Variants in USP36 observed in about 807,000 individuals in gnomAD.
USP36 encodes the protein ubiquitin carboxyl-terminal hydrolase 36.
A neutral mutation model predicts 111.5 loss-of-function variants in USP36; 59 were observed. The ratio of observed to expected loss-of-function variants is 0.53; its 90% CI spans 0.43 to 0.66. The LOEUF is 0.66. USP36 is among the 30% of genes least tolerant of loss of function. The pLI, the probability that USP36 is intolerant of heterozygous loss-of-function variation, is 0.00. For missense variants in USP36, 1,488 were observed against 1,468.0 expected, an observed-to-expected ratio of 1.01 and a Z score of -0.22; for synonymous variants, 628 against 581.0, an observed-to-expected ratio of 1.08 and a Z score of -1.16.
At chr17:78,788,275 C>T (rs1023243253) in intron 3 of USP36, among the ~76,000 whole-genome samples, 2 of 152,050 alleles carry the variant, frequency 1.3e-5, no homozygotes, top group Admixed American at 1.3e-4. Context: ...AGCAATTCTC[C>T]TGCCTCAGCC....
chr17:78,794,019 C>G (rs112711505), downstream of USP36, among the ~76,000 whole-genome samples: 2 of 152,178 alleles, frequency 1.3e-5, no homozygotes, highest in Admixed American at 1.3e-4. Context: ...ACTTGGCCTC[C>G]GAACCCAACT....
intron 6 of USP36, chr17:78,823,125 C>T (rs2094370725): frequency 2.5e-6 from 1 of 398,700 alleles, no homozygotes; most frequent in African/African-American, 2.1e-5. Flanking sequence ...TGGCACTTCC[C>T]AGACTCCGGG....
At position 78,807,420 on chromosome 17, in the gene USP36, G is replaced by C; in HGVS notation, c.1624C>G (p.Pro542Ala). The change falls in exon 14 of 21, where the codon CCA becomes GCA. Residue 542 changes from proline to alanine, a missense_variant. Pro to Ala is a conservative substitution (Grantham distance 27). Coordinates refer to ENST00000449938, the MANE Select transcript of USP36 (RefSeq NM_001385174.1). ...GCAGTTCTGGGGGAAAAGTGCTGTGGAGGAGCTGGCTTCTTCACCTTCTTT... is the reference window on the plus strand; with the variant it reads ...GCAGTTCTGGGGGAAAAGTGCTGTGCAGGAGCTGGCTTCTTCACCTTCTTT... The part of the protein sequence containing the change: ...PGKKVKKPAP[P>A]QHFSPRTAQG... 6.2e-7 allele frequency: 1 copy of C among 1,614,182 alleles called. No homozygotes were observed. The highest frequency in any genetic ancestry group is 8.5e-7 in the Non-Finnish European group (1 of 1,180,024).
At chr17:78,800,327 G>A (rs762617658) in intron 17 of USP36, among the ~76,000 whole-genome samples, 4 of 152,152 alleles carry the variant, frequency 2.6e-5, no homozygotes, top group Non-Finnish European at 5.9e-5. Flanking sequence ...CTGCCATCAG[G>A]GGCCCGACCT....
chr17:78,835,077 C>T (rs759531943), intron 4 of USP36, among the ~76,000 whole-genome samples: 4 of 151,366 alleles, frequency 2.6e-5, no homozygotes, highest in African/African-American at 7.3e-5. Context: ...AAAAGCTTGG[C>T]GAACACAGCC....
chr17:78,823,810 C>A (rs2094387882), intron 6 of USP36, among the ~76,000 whole-genome samples: 1 of 152,202 alleles, frequency 6.6e-6, no homozygotes, highest in Non-Finnish European at 1.5e-5. Flanking sequence ...GACCCTTCTG[C>A]TGCCAGAGGA....
chr17:78,821,407 TA>T (rs58756152), intron 7 of USP36: 14 of 62,232 alleles, frequency 2.2e-4, no homozygotes, highest in African/African-American at 1.0e-3. Flanking sequence ...TATATATATA[TA>T]TATATATATA....
intron 3 of USP36, 127 bp downstream of exon 3, chr17:78,835,984 C>G: frequency 1.5e-6 from 2 of 1,323,130 alleles, no homozygotes; most frequent in Non-Finnish European, 2.1e-6. Flanking sequence ...CCACTGACCC[C>G]ATGTAAAAAT....
At chr17:78,828,211 CT>C (rs1428151068) in intron 5 of USP36, among the ~76,000 whole-genome samples, 1 of 152,142 alleles carries the variant, frequency 6.6e-6, no homozygotes, top group South Asian at 2.1e-4. Flanking sequence ...AAAACCCTGT[CT>C]CAAACAAAAA....
chr17:78,832,294 C>A (rs972026642), intron 4 of USP36, among the ~76,000 whole-genome samples: 3 of 152,188 alleles, frequency 2.0e-5, no homozygotes, highest in African/African-American at 7.2e-5. Context: ...AACAAACACC[C>A]CTTAGGATCC....
chr17:78,833,266 T>C (rs2068315195), intron 4 of USP36, among the ~76,000 whole-genome samples: 1 of 152,160 alleles, frequency 6.6e-6, no homozygotes, highest in African/African-American at 2.4e-5. Flanking sequence ...TCCCACTGCA[T>C]GGCCATCTTG....
In USP36 at chr17:78,803,890, G is replaced by T. The variant is rs754175746; in HGVS notation, c.2305C>A (p.Pro769Thr). Residue 769 changes from proline to threonine, a missense_variant, in exon 16 of 21, where the codon CCA (proline) becomes ACA (threonine). Around this residue, in one of 3 missense-constraint regions of USP36, gnomAD observed 1,073 missense variants for 994.1 expected, o/e 1.08. Transcript: ENST00000449938. The surrounding 1 kb of genome is among the most constrained non-coding windows in gnomAD (Gnocchi z 4.6). ...PTLLSSTPKP[P>T]GTSEPRSCSS... The stretch of plus-strand genomic sequence containing the variant: ...CAGCTCCGTGGTTCTGACGTCCCTG[G>T]GGGCTTGGGGGTACTGGACAGCAAT... 1.5e-5 allele frequency: 24 copies of T among 1,611,702 alleles called. No homozygotes were observed. Among genetic ancestry groups the T allele is most frequent in the Non-Finnish European group, 2.0e-5 (24 of 1,179,808 alleles).
At chr17:78,824,847 C>G (rs2067392306) in intron 6 of USP36, among the ~76,000 whole-genome samples, 1 of 152,112 alleles carries the variant, frequency 6.6e-6, no homozygotes, top group South Asian at 2.1e-4. Flanking sequence ...CGGCGGAAAC[C>G]CTGCAAAAGC....
rs769923241 is a variant in USP36, at chr17:78,803,663, C to T, written c.2532G>A (p.Arg844=). The change falls in exon 16 of 21, where the codon AGG becomes AGA. Residue 844 remains arginine (R), a synonymous_variant. Transcript: ENST00000449938. The surrounding 1 kb of genome is among the most constrained non-coding windows in gnomAD (Gnocchi z 4.6). ...REATAAPHGK[R]KRKKKKRPED... Reference sequence around the variant, plus strand: ...CCGGGCGCTTCTTCTTCTTCCTCTTCCTCTTCCCGTGGGGAGCCGCAGTGG... The same window carrying T: ...CCGGGCGCTTCTTCTTCTTCCTCTTTCTCTTCCCGTGGGGAGCCGCAGTGG... 24 of 1,609,708 alleles carry T rather than the reference C, an allele frequency of 1.5e-5. No homozygotes were observed. The highest frequency in any genetic ancestry group is 2.0e-5 in the Non-Finnish European group (23 of 1,179,028).
chr17:78,792,968 A>G (rs1023441893), downstream of USP36, among the ~76,000 whole-genome samples: 6 of 152,044 alleles, frequency 3.9e-5, no homozygotes, highest in Non-Finnish European at 8.8e-5. Context: ...CGCCCGCCTC[A>G]GCCTCCCAAA....
intron 8 of USP36, among the ~76,000 whole-genome samples, chr17:78,820,415 A>G (rs1446755926): frequency 6.6e-6 from 1 of 152,138 alleles, no homozygotes; most frequent in Non-Finnish European, 1.5e-5. Context: ...GTGAGCTATG[A>G]TTGCGCCACT....
chr17:78,803,924 G>C lies in USP36; in HGVS notation c.2271C>G (p.Pro757=), dbSNP rs773048293. 7 of 1,600,740 alleles carry C rather than the reference G, an allele frequency of 4.4e-6. No homozygotes were observed. The Admixed American group carries it at 1.0e-4, about 23-fold the overall frequency. ...GGGTACTGGACAGCAATGTGGGGTG[G>C]GGGCTGAAGGGGGGTTGCAGGCGGC... ...SSSRLQPPFS[P]HPTLLSSTPK... is the part of the protein sequence containing the mutation. The change falls in exon 16 of 21, where the codon CCC becomes CCG. Residue 757 remains proline (P), a synonymous_variant. Transcript: ENST00000449938. This position sits in a 1 kb window ranked among gnomAD's most constrained non-coding sequence, Gnocchi z 4.6.
intron 13 of USP36, among the ~76,000 whole-genome samples, chr17:78,812,482 G>T (rs1433652201): frequency 1.3e-5 from 2 of 151,994 alleles, no homozygotes; most frequent in African/African-American, 4.8e-5. Flanking sequence ...GAGGTCAGGA[G>T]ATCGAAAGCA....
chr17:78,800,557 C>T (rs1210221036), intron 17 of USP36, among the ~76,000 whole-genome samples: 2 of 152,246 alleles, frequency 1.3e-5, no homozygotes, highest in Non-Finnish European at 2.9e-5. Flanking sequence ...CCTCAGTGAG[C>T]TCCAGGCTAA....
Sources: allele counts gnomAD v4.1 joint callset (sites outside exome capture counted in the v4.1 genomes callset), GRCh38; gene constraint gnomAD v4.1.1; regional missense constraint gnomAD v4.1.1; non-coding constraint Gnocchi (gnomAD v3.1); transcripts MANE v1.5; gene names NCBI Gene and HGNC (gene_info 2026-07-23, HGNC 2026-07-21).